The following DTWD2 variants were observed in gnomAD, a reference collection of about 807,000 sequenced individuals.
DTWD2 encodes DTW motif tRNA-uridine aminocarboxypropyltransferase 2.
Under a neutral mutation model 31.8 loss-of-function variants are expected in DTWD2, and 39 were observed. That is an observed-to-expected ratio of 1.22 (90% CI 0.95 to 1.60). The LOEUF (loss-of-function observed/expected upper bound fraction) is 1.60. DTWD2 is among the 40% of genes most tolerant of loss of function. The probability of loss-of-function intolerance (pLI) is 0.00; values close to 1 mark genes in which losing one functional copy is unlikely to be tolerated. For missense variants in DTWD2, 515 were observed against 381.5 expected (o/e 1.35, Z -2.92); for synonymous variants, 180 against 142.8 (o/e 1.26, Z -1.86).
chr5:118,897,126 G>A (rs1753101302), intron 4 of DTWD2, among the ~76,000 whole-genome samples: 1 of 152,196 alleles, frequency 6.6e-6, no homozygotes, highest in African/African-American at 2.4e-5. Context: ...TCAGTATATA[G>A]TGGAACTCAC....
At chr5:118,852,603 T>A (rs576098610) in intron 4 of DTWD2, among the ~76,000 whole-genome samples, 5 of 152,236 alleles carry the variant, frequency 3.3e-5, no homozygotes, top group African/African-American at 9.6e-5. Context: ...AAAGGAAATG[T>A]TTATACACTG....
At chr5:118,972,897 T>C (rs1755020318) in intron 1 of DTWD2, among the ~76,000 whole-genome samples, 1 of 152,090 alleles carries the variant, frequency 6.6e-6, no homozygotes, top group Non-Finnish European at 1.5e-5. Flanking sequence ...GGCCTTGCTT[T>C]TGAATCTGGG....
intron 4 of DTWD2, among the ~76,000 whole-genome samples, chr5:118,927,905 C>T (rs778378168): frequency 6.6e-6 from 1 of 151,888 alleles, no homozygotes; most frequent in Non-Finnish European, 1.5e-5. Context: ...TTTTAATAAC[C>T]AAACATGACA....
chr5:118,977,583 C>T (rs780065019), intron 1 of DTWD2, among the ~76,000 whole-genome samples: 5 of 152,138 alleles, frequency 3.3e-5, no homozygotes, highest in Non-Finnish European at 5.9e-5. Context: ...AACTCCCATT[C>T]GCAATTGCTA....
At chr5:118,873,990 G>A (rs1437144158) in intron 4 of DTWD2, among the ~76,000 whole-genome samples, 1 of 152,208 alleles carries the variant, frequency 6.6e-6, no homozygotes, top group Non-Finnish European at 1.5e-5. Context: ...GGACCCCCAA[G>A]TGCAGTGGAT....
At position 118,838,616 on chromosome 5, in the gene DTWD2, T is replaced by G. The variant is rs770215053; in HGVS notation, c.*2301A>C. ...TTATACCACAGATGATTAAATGGAC[T>G]CACCTTGTTAAGAGGTCAGGAAAAA... On this transcript the variant is annotated 3_prime_UTR_variant, in exon 6 of 6. Transcript: ENST00000510708. The G allele has an allele frequency of 1.3e-5, 2 of 152,126 alleles. No individual in the cohort carries two copies. Among genetic ancestry groups the G allele is most frequent in the Non-Finnish European group, 1.5e-5 (1 of 68,028 alleles). 9.4% of individuals were successfully genotyped at this position (152,126 alleles called of 1,614,324 possible).
At position 118,955,581 on chromosome 5, in the gene DTWD2, A is replaced by G. The variant is rs535668592; in HGVS notation, c.219-10932T>C. On this transcript the variant is annotated intron_variant, in intron 1 of 5. Coordinates refer to ENST00000510708, the MANE Select transcript of DTWD2 (RefSeq NM_173666.4). ...ATATTAGGCACTTGGGACAATAAAA[A>G]GAACAAAGATTCCTACCCTCATGGA... is the stretch of plus-strand genomic sequence containing the variant. Among the ~76,000 whole-genome samples the G allele has an allele frequency of 2.6e-5, 4 of 152,336 alleles. No homozygotes were observed. The South Asian group carries it at 8.3e-4, about 32-fold the overall frequency.
chr5:118,949,698 T>G (rs1048264142), intron 1 of DTWD2, among the ~76,000 whole-genome samples: 1 of 151,992 alleles, frequency 6.6e-6, no homozygotes, highest in Non-Finnish European at 1.5e-5. Context: ...TGCATGATCA[T>G]TCGCCAAGGT....
intron 4 of DTWD2, among the ~76,000 whole-genome samples, chr5:118,901,755 T>C (rs1753215077): frequency 6.6e-6 from 1 of 152,146 alleles, no homozygotes; most frequent in Non-Finnish European, 1.5e-5. Context: ...AAGATTAAAA[T>C]TGCTTCATTG....
At chr5:118,949,622 C>T (rs750679698) in intron 1 of DTWD2, among the ~76,000 whole-genome samples, 13 of 152,120 alleles carry the variant, frequency 8.5e-5, no homozygotes, top group East Asian at 1.9e-4. Context: ...TTAAAGCATG[C>T]GGTGGGATGG....
intron 4 of DTWD2, among the ~76,000 whole-genome samples, chr5:118,923,712 G>A (rs1444727127): frequency 6.6e-6 from 1 of 152,132 alleles, no homozygotes; most frequent in African/African-American, 2.4e-5. Context: ...TCTGAAACGT[G>A]CCTCGGTCTC....
At chr5:118,900,252 C>G (rs1753175561) in intron 4 of DTWD2, among the ~76,000 whole-genome samples, 1 of 152,154 alleles carries the variant, frequency 6.6e-6, no homozygotes, top group Non-Finnish European at 1.5e-5. Context: ...TTGACAGGAA[C>G]TGGGGTTATT....
intron 4 of DTWD2, among the ~76,000 whole-genome samples, chr5:118,871,667 G>A (rs1446048910): frequency 1.3e-5 from 2 of 152,156 alleles, no homozygotes; most frequent in Non-Finnish European, 2.9e-5. Flanking sequence ...AATAATCCAT[G>A]CTGTAAACAG....
chr5:118,923,527 C>T (rs1753748655), intron 4 of DTWD2, among the ~76,000 whole-genome samples: 3 of 152,174 alleles, frequency 2.0e-5, no homozygotes. Flanking sequence ...GGAGGCACTG[C>T]GCATGCGGGA....
chr5:118,920,106 C>T, intron 4 of DTWD2, among the ~76,000 whole-genome samples: 1 of 152,106 alleles, frequency 6.6e-6, no homozygotes. Context: ...TTCCACAGAA[C>T]CTGTCCCTGG....
At chr5:118,908,113 T>G (rs1424021720) in intron 4 of DTWD2, among the ~76,000 whole-genome samples, 1 of 152,202 alleles carries the variant, frequency 6.6e-6, no homozygotes, top group Non-Finnish European at 1.5e-5. Context: ...AGCTCAGGAC[T>G]TCTGTGTCCA....
At chr5:118,965,518 T>G (rs1274349249) in intron 1 of DTWD2, among the ~76,000 whole-genome samples, 2 of 152,114 alleles carry the variant, frequency 1.3e-5, no homozygotes, top group African/African-American at 4.8e-5. Flanking sequence ...AGAAATCAGA[T>G]TGTTGCTGTG....
At chr5:118,927,654 G>C (rs1330722739) in intron 4 of DTWD2, among the ~76,000 whole-genome samples, 1 of 151,960 alleles carries the variant, frequency 6.6e-6, no homozygotes, top group Admixed American at 6.6e-5. Flanking sequence ...TAATTCCCTA[G>C]AGAAATATAA....
chr5:118,925,502 T>C (rs1007313391), intron 4 of DTWD2, among the ~76,000 whole-genome samples: 8 of 152,172 alleles, frequency 5.3e-5, no homozygotes, highest in African/African-American at 1.9e-4. Context: ...TGAAAAGTGT[T>C]AAAACACTTA....
Sources: allele counts gnomAD v4.1 joint callset (sites outside exome capture counted in the v4.1 genomes callset), GRCh38; gene constraint gnomAD v4.1.1; transcripts MANE v1.5; gene names NCBI Gene and HGNC (gene_info 2026-07-23, HGNC 2026-07-21).